TASP1: variants seen among roughly 807,000 people sequenced by gnomAD.
TASP1 encodes the protein taspase 1.
Under a neutral mutation model 56.6 loss-of-function variants are expected in TASP1, and 16 were observed. The observed-to-expected ratio is 0.28, with a 90% CI of 0.19 to 0.43. The LOEUF (loss-of-function observed/expected upper bound fraction) is 0.43. Among genes scored for constraint, TASP1 ranks in the 20% least tolerant of loss-of-function variants. The pLI is 1.00. For synonymous variants in TASP1, 179 were observed against 184.2 expected (o/e 0.97, Z 0.23); for missense variants, 393 against 511.6 (o/e 0.77, Z 2.24).
chr20:13,444,053 C>CT (rs1056579749), intron 11 of TASP1, among the ~76,000 whole-genome samples: 10 of 152,152 alleles, frequency 6.6e-5, no homozygotes, highest in African/African-American at 2.2e-4. Context: ...CTGAACCGTG[C>CT]TTTTTTTCCT....
intron 4 of TASP1, among the ~76,000 whole-genome samples, chr20:13,600,196 C>T (rs6033768): frequency 0.41 from 62,436 of 151,862 alleles, 13,736 homozygotes; most frequent in African/African-American, 0.56. Context: ...TTAAATTGAT[C>T]AACAGGTTCA....
intron 10 of TASP1, among the ~76,000 whole-genome samples, chr20:13,505,320 T>C (rs781556329): frequency 6.6e-6 from 1 of 152,134 alleles, no homozygotes; most frequent in Non-Finnish European, 1.5e-5. Flanking sequence ...AGTAGAGAAC[T>C]TCAATATCCC....
the TASP1 span, among the ~76,000 whole-genome samples, chr20:13,381,972 T>G: frequency 1.3e-5 from 2 of 152,168 alleles, no homozygotes; most frequent in Non-Finnish European, 2.9e-5. Flanking sequence ...CTCCAGCCTC[T>G]CAGATGTGCA....
intron 13 of TASP1, chr20:13,393,517 TCTC>T: frequency 1.3e-6 from 1 of 793,988 alleles, no homozygotes; most frequent in Non-Finnish European, 2.2e-6. Context: ...CACCAGATTG[TCTC>T]CTCCAACAGT....
intron 4 of TASP1, among the ~76,000 whole-genome samples, chr20:13,592,815 TCTTC>T (rs2047583289): frequency 6.6e-6 from 1 of 152,210 alleles, no homozygotes; most frequent in African/African-American, 2.4e-5. Flanking sequence ...TGATTTGAGA[TCTTC>T]CTTCTTTTCT....
At chr20:13,505,183 A>G (rs973414778) in intron 10 of TASP1, among the ~76,000 whole-genome samples, 10 of 152,312 alleles carry the variant, frequency 6.6e-5, no homozygotes, top group African/African-American at 2.4e-4. Context: ...AAAGCAGGTC[A>G]TTATAGAATG....
intron 10 of TASP1, among the ~76,000 whole-genome samples, chr20:13,517,418 T>G (rs1357521856): frequency 1.3e-5 from 2 of 152,048 alleles, no homozygotes; most frequent in African/African-American, 4.8e-5. Context: ...TTTGGAAGAA[T>G]AATAATACAT....
chr20:13,444,717 C>T (rs1355864664), intron 11 of TASP1, among the ~76,000 whole-genome samples: 1 of 152,034 alleles, frequency 6.6e-6, no homozygotes, highest in African/African-American at 2.4e-5. Flanking sequence ...TACAAAAATC[C>T]CAATGGAATG....
chr20:13,576,357 GAAAGA>G (rs2046920076), intron 6 of TASP1, among the ~76,000 whole-genome samples: 1 of 115,430 alleles, frequency 8.7e-6, no homozygotes, highest in Non-Finnish European at 1.9e-5. Context: ...AAGAAAGAAA[GAAAGA>G]AAGAAAGAAA....
the TASP1 span, among the ~76,000 whole-genome samples, chr20:13,361,043 A>C: frequency 6.6e-6 from 1 of 152,070 alleles, no homozygotes; most frequent in Non-Finnish European, 1.5e-5. Context: ...CATCGTGGAA[A>C]TCTATCCTCA....
At chr20:13,394,307 CAAAAAA>C (rs57418361) in intron 13 of TASP1, among the ~76,000 whole-genome samples, 23 of 42,946 alleles carry the variant, frequency 5.4e-4, no homozygotes, top group African/African-American at 2.0e-3. Context: ...CACTCCCTCT[CAAAAAA>C]AAAAAAAAAA....
chr20:13,406,668 CTT>C (rs149352395), intron 13 of TASP1, among the ~76,000 whole-genome samples: 85 of 117,670 alleles, frequency 7.2e-4, no homozygotes, highest in Admixed American at 2.1e-3. Context: ...AGGGTTTTTT[CTT>C]TTTTTTTTTT....
At chr20:13,310,698 T>C in the TASP1 span, among the ~76,000 whole-genome samples, 1 of 151,948 alleles carries the variant, frequency 6.6e-6, no homozygotes, top group African/African-American at 2.4e-5. Flanking sequence ...CCGAAATACA[T>C]AAAAAACTCA....
Position 13,541,614 on chromosome 20 carries a change from T to C in TASP1, c.676-7473A>G, listed in dbSNP as rs1474246842. Among the ~76,000 whole-genome samples, 6 of 152,076 alleles carry C rather than the reference T, an allele frequency of 3.9e-5. No homozygotes were observed. In the South Asian group the frequency reaches 6.2e-4, roughly 16 times the overall value. On this transcript the variant is annotated intron_variant, in intron 8 of 13. Coordinates refer to ENST00000337743, the MANE Select transcript of TASP1 (RefSeq NM_017714.3). The stretch of plus-strand genomic sequence containing the variant: ...TCATATCATTTACATTGCCCATCTC[T>C]CTGACAAGATGATAGGCTTCATGAA...
At chr20:13,288,755 A>C in the TASP1 span, 1 of 1,442,946 alleles carries the variant, frequency 6.9e-7, no homozygotes, top group Non-Finnish European at 9.5e-7. Flanking sequence ...AAACTTAGTG[A>C]CATTGTCTTT....
rs1179688722 is a variant in TASP1 at position 13,421,953 on chromosome 20, C to CTTTTTTTTTTT, written c.1097-4443_1097-4433dup. Among the ~76,000 whole-genome samples the CTTTTTTTTTTT allele has an allele frequency of 1.6e-3, 223 of 138,990 alleles. 3 individuals are homozygous for CTTTTTTTTTTT. The highest frequency in any genetic ancestry group is 2.6e-3 in the African/African-American group (95 of 36,908). 91.2% of individuals were successfully genotyped at this position (138,990 alleles called of 152,430 possible). A position where few individuals can be genotyped will look rare whatever the true frequency, so the allele number is the denominator to read the frequency against. ...TATTTTATATGTGTTTCTGTTTAAC[C>CTTTTTTTTTTT]TTTTTTTTTTTTTTTTTTGACAGAG... On this transcript the variant is annotated intron_variant, in intron 12 of 13. Transcript: ENST00000337743.
chr20:13,445,549 G>A (rs1450063976), intron 11 of TASP1, among the ~76,000 whole-genome samples: 2 of 152,148 alleles, frequency 1.3e-5, no homozygotes, highest in Non-Finnish European at 2.9e-5. Flanking sequence ...TGCTGACCAA[G>A]GGAGCAAGCG....
the TASP1 span, among the ~76,000 whole-genome samples, chr20:13,156,368 T>C: frequency 6.6e-6 from 1 of 152,182 alleles, no homozygotes. Context: ...AACAAATGCA[T>C]GTAACTTCAA....
the TASP1 span, among the ~76,000 whole-genome samples, chr20:13,376,257 T>C: frequency 2.6e-5 from 4 of 152,188 alleles, no homozygotes; most frequent in Non-Finnish European, 4.4e-5. Flanking sequence ...TTTTATAAGG[T>C]GTAAGGAAGG....
Sources: gnomAD v4.1 joint callset for allele counts (sites outside exome capture counted in the v4.1 genomes callset) on GRCh38, gnomAD v4.1.1 for gene constraint, MANE v1.5 for transcripts, NCBI Gene and HGNC (gene_info 2026-07-23, HGNC 2026-07-21) for gene names.